PLD5: variants seen among roughly 807,000 people sequenced by gnomAD.
PLD5 encodes the protein phospholipase D family member 5.
In PLD5, 36 loss-of-function variants were observed where a neutral mutation model predicts 61.1. The observed-to-expected ratio is 0.59, with a 90% CI of 0.45 to 0.78. The LOEUF (loss-of-function observed/expected upper bound fraction) is 0.78. Ranked by LOEUF, PLD5 falls within the 30% of genes least tolerant of loss-of-function variation. The pLI, the probability that PLD5 is intolerant of heterozygous loss-of-function variation, is 0.00. For missense variants in PLD5, 515 were observed against 644.4 expected (o/e 0.80, Z 2.17); for synonymous variants, 243 against 242.8 (o/e 1.00, Z -0.01).
chr1:242,178,053 T>C (rs1369530926), intron 5 of PLD5: 2 of 152,240 alleles, frequency 1.3e-5, no homozygotes, highest in South Asian at 2.1e-4. Context: ...AATGGCTTAA[T>C]TGATAACAAA....
intron 5 of PLD5, among the ~76,000 whole-genome samples, chr1:242,134,936 C>A (rs113199153): frequency 2.0e-5 from 3 of 152,328 alleles, no homozygotes; most frequent in African/African-American, 7.2e-5. Flanking sequence ...TAGCCTGCAA[C>A]CCTGAGTGCA....
At chr1:242,180,406 T>A (rs546048741) in intron 5 of PLD5, among the ~76,000 whole-genome samples, 1 of 152,236 alleles carries the variant, frequency 6.6e-6, no homozygotes, top group South Asian at 2.1e-4. Context: ...TAATAGAATA[T>A]CCTAGTAGGT....
intron 9 of PLD5, among the ~76,000 whole-genome samples, chr1:242,095,396 C>T (rs1558213154): frequency 6.6e-6 from 1 of 152,070 alleles, no homozygotes; most frequent in African/African-American, 2.4e-5. Flanking sequence ...CGATACCCAG[C>T]TAATTTTGTA....
intron 2 of PLD5, among the ~76,000 whole-genome samples, chr1:242,309,159 T>C (rs1676547763): frequency 6.6e-6 from 1 of 152,134 alleles, no homozygotes; most frequent in Non-Finnish European, 1.5e-5. Context: ...AGAAAGCATG[T>C]AGAGCAGGGG....
intron 5 of PLD5, chr1:242,147,653 T>C (rs1196502593): frequency 7.0e-6 from 1 of 143,264 alleles, no homozygotes; most frequent in Non-Finnish European, 1.5e-5. Context: ...TTTAAGTTGC[T>C]TTGTATACTT....
intron 5 of PLD5, among the ~76,000 whole-genome samples, chr1:242,138,315 G>A (rs1023174361): frequency 9.2e-5 from 14 of 151,950 alleles, no homozygotes; most frequent in Admixed American, 5.9e-4. Flanking sequence ...GTTGGGAAAG[G>A]AGATTAAAAA....
chr1:242,094,467 G>A (rs1384840898), intron 9 of PLD5, among the ~76,000 whole-genome samples: 1 of 152,120 alleles, frequency 6.6e-6, no homozygotes, highest in Non-Finnish European at 1.5e-5. Flanking sequence ...GTCCACTGTG[G>A]ATTTTTCTCA....
At chr1:242,313,171 T>C (rs1676806192) in intron 2 of PLD5, among the ~76,000 whole-genome samples, 1 of 152,226 alleles carries the variant, frequency 6.6e-6, no homozygotes, top group Admixed American at 6.5e-5. Flanking sequence ...ATAAATTTAG[T>C]TCCTTATCTT....
chr1:242,382,313 T>C (rs1662344347), intron 1 of PLD5, among the ~76,000 whole-genome samples: 1 of 151,996 alleles, frequency 6.6e-6, no homozygotes, highest in Non-Finnish European at 1.5e-5. Context: ...ATTGTGGGAC[T>C]AAAAGAGATC....
chr1:242,340,473 C>T (rs1659767406), intron 2 of PLD5, among the ~76,000 whole-genome samples: 2 of 151,532 alleles, frequency 1.3e-5, no homozygotes, highest in Non-Finnish European at 2.9e-5. Context: ...TAAGCTCTTC[C>T]CCATTTTGGA....
rs1659682970 is a variant in PLD5, at chr1:242,089,875, T to C, written c.1590A>G (p.Gly530=). 1.2e-6 allele frequency: 2 copies of C among 1,614,122 alleles called. No individual in the cohort carries two copies. Among genetic ancestry groups the C allele is most frequent in the Non-Finnish European group, 1.7e-6 (2 of 1,180,050 alleles). The stretch of plus-strand genomic sequence containing the variant: ...CATGTTATACGTTCCGGGGATCCTT[T>C]CCGCCTGTGTCGTCTGTGGCAGTTT... ...SNKTATDDTG[G]KDPRNV The change falls in exon 10 of 10, where the codon GGA becomes GGG. Residue 530 remains glycine, a synonymous_variant. Coordinates refer to ENST00000536534, the MANE Select transcript of PLD5 (RefSeq NM_001372062.1).
chr1:242,375,278 G>A (rs374579701), intron 1 of PLD5, among the ~76,000 whole-genome samples: 3 of 152,276 alleles, frequency 2.0e-5, no homozygotes, highest in Admixed American at 6.5e-5. Context: ...AGTCAGCCGT[G>A]CCGTCTGCCT....
intron 1 of PLD5, among the ~76,000 whole-genome samples, chr1:242,351,517 G>A (rs1330772136): frequency 6.6e-6 from 1 of 152,102 alleles, no homozygotes; most frequent in African/African-American, 2.4e-5. Context: ...CAGTCCCCCT[G>A]CACACACTCT....
At chr1:242,499,634 TG>T (rs1356683507) in intron 1 of PLD5, among the ~76,000 whole-genome samples, 1 of 152,174 alleles carries the variant, frequency 6.6e-6, no homozygotes, top group Non-Finnish European at 1.5e-5. Flanking sequence ...GGCAATAAGA[TG>T]GGCTACACAG....
At chr1:242,132,851 AGTTC>A (rs1663397745) in intron 5 of PLD5, among the ~76,000 whole-genome samples, 1 of 152,208 alleles carries the variant, frequency 6.6e-6, no homozygotes, top group African/African-American at 2.4e-5. Flanking sequence ...GAGAACAGTT[AGTTC>A]AACTTTATTT....
At position 242,466,637 on chromosome 1, in the gene PLD5, A is replaced by C. The variant is rs1283232561; in HGVS notation, c.189+57451T>G. Among the ~76,000 whole-genome samples the C allele has an allele frequency of 2.6e-5, 4 of 152,182 alleles. No individual in the cohort carries two copies. In the East Asian group the frequency reaches 7.7e-4, roughly 29 times the overall value. ...GCTGGGCGCGGCGGCTCACACCTGT[A>C]ATCCCAGCACTTTGATAGGCCAAGG... is the stretch of plus-strand genomic sequence containing the variant. On this transcript the variant is annotated intron_variant, in intron 1 of 9. Coordinates refer to ENST00000536534, the MANE Select transcript of PLD5 (RefSeq NM_001372062.1).
intron 5 of PLD5, among the ~76,000 whole-genome samples, chr1:242,196,488 A>G (rs1668645076): frequency 6.6e-6 from 1 of 152,152 alleles, no homozygotes; most frequent in Non-Finnish European, 1.5e-5. Flanking sequence ...ATCAGGCCCT[A>G]AATATTTCTC....
In PLD5 at chr1:242,438,444, T is replaced by C. The variant is rs1165417965; in HGVS notation, c.189+85644A>G. Among the ~76,000 whole-genome samples, 43 of 142,744 alleles carry C rather than the reference T, an allele frequency of 3.0e-4. 1 individual carries two copies. Among genetic ancestry groups the C allele is most frequent in the Non-Finnish European group, 2.0e-4 (13 of 65,350 alleles). 93.6% of individuals were successfully genotyped at this position (142,744 alleles called of 152,430 possible). On this transcript the variant is annotated intron_variant, in intron 1 of 9. Transcript: ENST00000536534. ...ATGCCTGGCTAATTTTTTTTCTTTT[T>C]TTTTTTTTTTTTTTTTTGAGATGGA...
chr1:242,392,558 C>T (rs1215204971), intron 1 of PLD5, among the ~76,000 whole-genome samples: 1 of 152,172 alleles, frequency 6.6e-6, no homozygotes, highest in African/African-American at 2.4e-5. Flanking sequence ...TCCGGTTTCC[C>T]ATCTTGTCCA....
Sources: allele counts gnomAD v4.1 joint callset (sites outside exome capture counted in the v4.1 genomes callset), GRCh38; gene constraint gnomAD v4.1.1; transcripts MANE v1.5; gene names NCBI Gene and HGNC (gene_info 2026-07-23, HGNC 2026-07-21).